Variants in FRMD4B observed in about 807,000 individuals in gnomAD.
The protein encoded by FRMD4B is FERM domain containing 4B.
A neutral mutation model predicts 141.5 loss-of-function variants in FRMD4B; 74 were observed. The ratio of observed to expected loss-of-function variants is 0.52; its 90% CI spans 0.43 to 0.63. The LOEUF is 0.63. FRMD4B is among the 30% of genes least tolerant of loss of function. The pLI is 0.00. For missense variants in FRMD4B, 1,366 were observed against 1,253.4 expected (o/e 1.09, Z -1.36); for synonymous variants, 506 against 467.9 (o/e 1.08, Z -1.05).
intron 5 of FRMD4B, among the ~76,000 whole-genome samples, chr3:69,266,975 T>C (rs888153208): frequency 6.6e-5 from 10 of 152,336 alleles, no homozygotes; most frequent in Middle Eastern, 3.4e-3. Flanking sequence ...TCATCATCTA[T>C]AGAGTGTTCG....
At chr3:69,338,260 C>T (rs1702620419) in intron 1 of FRMD4B, among the ~76,000 whole-genome samples, 1 of 152,008 alleles carries the variant, frequency 6.6e-6, no homozygotes, top group South Asian at 2.1e-4. Context: ...TGAACAATGA[C>T]AACTCATGGA....
intron 18 of FRMD4B, 23 bp downstream of exon 18, chr3:69,189,873 C>A: frequency 6.8e-7 from 1 of 1,476,560 alleles, no homozygotes; most frequent in Non-Finnish European, 9.5e-7. Context: ...CATTTTTAAA[C>A]CAAAAAAGGA....
chr3:69,351,244 T>C (rs1487236318), intron 1 of FRMD4B, among the ~76,000 whole-genome samples: 1 of 152,236 alleles, frequency 6.6e-6, no homozygotes, highest in Non-Finnish European at 1.5e-5. Context: ...AGGAAAATAT[T>C]GCATTTAAAA....
chr3:69,426,319 A>AGT (rs1559524514), intron 2 of FRMD4B, among the ~76,000 whole-genome samples: 2 of 123,498 alleles, frequency 1.6e-5, no homozygotes, highest in African/African-American at 4.0e-5. Context: ...AACTTTTAAA[A>AGT]GCGTGTGTGT....
chr3:69,245,664 C>CTTTT (rs71115668), intron 7 of FRMD4B, among the ~76,000 whole-genome samples: 3 of 102,464 alleles, frequency 2.9e-5, no homozygotes, highest in Admixed American at 1.0e-4. Context: ...ATTTTCTTTT[C>CTTTT]TTTTTTTTTT....
At chr3:69,480,765 G>A (rs1575585622) in intron 1 of FRMD4B, among the ~76,000 whole-genome samples, 1 of 152,214 alleles carries the variant, frequency 6.6e-6, no homozygotes, top group East Asian at 1.9e-4. Flanking sequence ...ATTTAAGTCT[G>A]CAGAGGTTAC....
chr3:69,290,918 A>C (rs1025865250), intron 4 of FRMD4B, among the ~76,000 whole-genome samples: 1 of 152,224 alleles, frequency 6.6e-6, no homozygotes, highest in Admixed American at 6.5e-5. Context: ...AGCACTCAGC[A>C]GGAAGCTGAA....
intron 1 of FRMD4B, among the ~76,000 whole-genome samples, chr3:69,504,455 C>T (rs907516847): frequency 1.4e-4 from 21 of 152,288 alleles, no homozygotes; most frequent in African/African-American, 4.6e-4. Flanking sequence ...GAAACCTACA[C>T]CGAGTGTAGT....
intron 1 of FRMD4B, among the ~76,000 whole-genome samples, chr3:69,364,933 C>A (rs1703596065): frequency 6.6e-6 from 1 of 151,896 alleles, no homozygotes; most frequent in Non-Finnish European, 1.5e-5. Context: ...AAGTTTAGGC[C>A]ATTTACAGAA....
intron 5 of FRMD4B, among the ~76,000 whole-genome samples, chr3:69,260,928 C>T (rs1014845921): frequency 6.6e-6 from 1 of 152,202 alleles, no homozygotes; most frequent in African/African-American, 2.4e-5. Context: ...GGACTGTAAT[C>T]GCACTAATCA....
chr3:69,400,200 A>G (rs1261260244), intron 2 of FRMD4B, among the ~76,000 whole-genome samples: 3 of 151,570 alleles, frequency 2.0e-5, no homozygotes, highest in Non-Finnish European at 4.4e-5. Context: ...AGCATGGGCA[A>G]CATACTGAGA....
chr3:69,374,287 G>A (rs536184289), intron 1 of FRMD4B, among the ~76,000 whole-genome samples: 6 of 152,276 alleles, frequency 3.9e-5, no homozygotes, highest in African/African-American at 1.2e-4. Flanking sequence ...GCTCAAGGTC[G>A]TATAGCCGAT....
chr3:69,519,529 G>T (rs1700818601), intron 1 of FRMD4B, among the ~76,000 whole-genome samples: 1 of 152,044 alleles, frequency 6.6e-6, no homozygotes, highest in Non-Finnish European at 1.5e-5. Context: ...CATGCCTCAG[G>T]GAGCCTGCTG....
At chr3:69,306,937 A>T (rs1701415117) in intron 3 of FRMD4B, among the ~76,000 whole-genome samples, 1 of 152,200 alleles carries the variant, frequency 6.6e-6, no homozygotes, top group Non-Finnish European at 1.5e-5. Flanking sequence ...AAAGAAAAAG[A>T]ACTAGGCTTG....
chr3:69,433,790 T>C (rs1447837614), intron 1 of FRMD4B, among the ~76,000 whole-genome samples: 1 of 152,164 alleles, frequency 6.6e-6, no homozygotes, highest in African/African-American at 2.4e-5. Context: ...TGGGCATGGA[T>C]AGTTATGGTT....
At chr3:69,241,231 T>C (rs754504912) in intron 7 of FRMD4B, among the ~76,000 whole-genome samples, 3 of 152,174 alleles carry the variant, frequency 2.0e-5, no homozygotes, top group Non-Finnish European at 4.4e-5. Flanking sequence ...AAATGCAAAA[T>C]ACTTAAGCTG....
intron 2 of FRMD4B, among the ~76,000 whole-genome samples, chr3:69,397,704 G>A (rs1240169594): frequency 6.6e-6 from 1 of 152,082 alleles, no homozygotes; most frequent in Non-Finnish European, 1.5e-5. Flanking sequence ...AGTTGCCTAG[G>A]GCTGAGGGAA....
At chr3:69,496,846 T>C (rs1360769302) in intron 1 of FRMD4B, among the ~76,000 whole-genome samples, 1 of 152,178 alleles carries the variant, frequency 6.6e-6, no homozygotes, top group Non-Finnish European at 1.5e-5. Flanking sequence ...ATAGGTGAGA[T>C]ATGTTGATTG....
Position 69,313,483 on chromosome 3 carries a change from AG to A in FRMD4B, c.196del (p.Leu66TrpfsTer15). The A allele has an allele frequency of 6.4e-7, 1 of 1,573,294 alleles. No individual in the cohort carries two copies. The highest frequency in any genetic ancestry group is 1.2e-5 in the South Asian group (1 of 85,360). ...TEGRHCQVHL[L>X]DDRRLELLVQ... ...CAGCAGCTCCAGTCTCCTATCATCC[AG>A]GAGGTGCACCTGGCAGTGCCTGCCT... On this transcript the variant is annotated frameshift_variant, in exon 2 of 23. Transcript: ENST00000398540. LOFTEE classifies it high-confidence loss of function.
Sources: allele counts gnomAD v4.1 joint callset (sites outside exome capture counted in the v4.1 genomes callset), GRCh38; gene constraint gnomAD v4.1.1; transcripts MANE v1.5; gene names NCBI Gene and HGNC (gene_info 2026-07-23, HGNC 2026-07-21).